Variants in EFCAB5 observed in about 807,000 individuals in gnomAD.
The protein encoded by EFCAB5 is EF-hand calcium binding domain 5, also known as EF-hand calcium-binding domain-containing protein 5.
A neutral mutation model predicts 167.9 loss-of-function variants in EFCAB5; 131 were observed. The ratio of observed to expected loss-of-function variants is 0.78; its 90% CI spans 0.68 to 0.90. EFCAB5 has a LOEUF of 0.90. EFCAB5 is among the 40% of genes least tolerant of loss of function. The probability of loss-of-function intolerance (pLI) is 0.00; values close to 1 mark genes in which losing one functional copy is unlikely to be tolerated. For synonymous variants in EFCAB5, 574 were observed against 602.8 expected (o/e 0.95, Z 0.70); for missense variants, 1,663 against 1,745.2 (o/e 0.95, Z 0.84).
chr17:30,013,078 G>A (rs1053894558), intron 7 of EFCAB5, among the ~76,000 whole-genome samples: 6 of 152,036 alleles, frequency 3.9e-5, no homozygotes, highest in East Asian at 1.9e-4. Context: ...TTTTGTCTTC[G>A]GTTCTGTTTA....
At chr17:29,999,164 C>G (rs1236365999) in intron 6 of EFCAB5, among the ~76,000 whole-genome samples, 1 of 152,046 alleles carries the variant, frequency 6.6e-6, no homozygotes, top group African/African-American at 2.4e-5. Context: ...ATGACTGCAG[C>G]TGATGACTCC....
In EFCAB5 at chr17:30,090,615, T is replaced by A; in HGVS notation, c.3878T>A (p.Val1293Glu). The change falls in exon 20 of 23, where the codon GTG (valine) becomes GAG (glutamate). Residue 1293 changes from valine to glutamate, a missense_variant. Val to Glu is a moderately radical substitution (Grantham distance 121, BLOSUM62 -2). Transcript: ENST00000394835. ...CAGAAAATGATGAAAGTGGTCCAAG[T>A]GGCCTGCTATGAAATACTTGGCGAG... ...DLQKMMKVVQVACYEILGEFS... is the reference protein window; with the variant it reads ...DLQKMMKVVQEACYEILGEFS... The A allele has an allele frequency of 6.2e-7, 1 of 1,613,950 alleles. No homozygotes were observed. Among genetic ancestry groups the A allele is most frequent in the Non-Finnish European group, 8.5e-7 (1 of 1,179,880 alleles).
At chr17:30,072,715 T>C (rs1262199973) in intron 14 of EFCAB5, among the ~76,000 whole-genome samples, 1 of 152,214 alleles carries the variant, frequency 6.6e-6, no homozygotes, top group Non-Finnish European at 1.5e-5. Context: ...GCTGTGTTCT[T>C]CTTATTGTAT....
upstream of EFCAB5, among the ~76,000 whole-genome samples, chr17:29,940,230 C>T (rs1271471736): frequency 3.3e-5 from 5 of 152,192 alleles, no homozygotes; most frequent in Admixed American, 6.5e-5. Context: ...CACCTGCCAA[C>T]ACACCCAGCT....
rs557197442 is a variant in EFCAB5, at chr17:30,021,504, T to G, written c.1045-12726T>G. Among the ~76,000 whole-genome samples, 68 of 148,456 alleles carry G rather than the reference T, an allele frequency of 4.6e-4. 1 individual carries two copies. The highest frequency in any genetic ancestry group is 9.4e-4 in the Non-Finnish European group (63 of 67,252). On this transcript the variant is annotated intron_variant, in intron 7 of 22. Coordinates refer to ENST00000394835, the MANE Select transcript of EFCAB5 (RefSeq NM_198529.4). ...ACAACACACAAATGAGAAAATGGAG[T>G]GATATACATTATTTATTTTATATAT...
intron 4 of EFCAB5, among the ~76,000 whole-genome samples, chr17:29,978,656 C>G (rs4075014): frequency 6.6e-6 from 1 of 151,970 alleles, no homozygotes; most frequent in Non-Finnish European, 1.5e-5. Context: ...GTCAACTTCT[C>G]TCCAGCTAGG....
chr17:30,043,561 A>T (rs2069834315), intron 8 of EFCAB5, among the ~76,000 whole-genome samples: 1 of 152,238 alleles, frequency 6.6e-6, no homozygotes, highest in Non-Finnish European at 1.5e-5. Context: ...CATGGAAGTC[A>T]ATTGTATTTC....
intron 14 of EFCAB5, among the ~76,000 whole-genome samples, chr17:30,061,466 A>G (rs746031196): frequency 4.6e-5 from 7 of 152,252 alleles, no homozygotes; most frequent in Non-Finnish European, 8.8e-5. Flanking sequence ...GGATTTAAAT[A>G]GCTTAAAATC....
At chr17:30,082,834 A>T (rs2071015635) in intron 17 of EFCAB5, 57 bp from the exon 18 acceptor site, 1 of 1,494,658 alleles carries the variant, frequency 6.7e-7, no homozygotes, top group African/African-American at 1.4e-5. Context: ...TTACTATATT[A>T]CTAATTATTT....
At chr17:30,021,206 G>A (rs1394478931) in intron 7 of EFCAB5, among the ~76,000 whole-genome samples, 2 of 151,020 alleles carry the variant, frequency 1.3e-5, no homozygotes, top group African/African-American at 4.9e-5. Flanking sequence ...GGAAAGTTAG[G>A]TTAGAACTCC....
chr17:29,930,104 A>G (rs1471361273), intron 1 of EFCAB5: 1 of 1,030,350 alleles, frequency 9.7e-7, no homozygotes, highest in Non-Finnish European at 1.4e-6. Flanking sequence ...GGTGGGGGTG[A>G]AGGGAACGGG....
chr17:30,019,342 A>G (rs1408755281), intron 7 of EFCAB5, among the ~76,000 whole-genome samples: 1 of 151,730 alleles, frequency 6.6e-6, no homozygotes, highest in Admixed American at 6.6e-5. Flanking sequence ...CAAAAGGCTT[A>G]TTTTATTTAT....
At chr17:30,035,188 T>C (rs929398669) in intron 8 of EFCAB5, among the ~76,000 whole-genome samples, 2 of 152,224 alleles carry the variant, frequency 1.3e-5, no homozygotes, top group African/African-American at 4.8e-5. Flanking sequence ...TTAATCCTTA[T>C]TGAATATTGC....
intron 4 of EFCAB5, among the ~76,000 whole-genome samples, chr17:29,979,713 G>A (rs1433426322): frequency 1.3e-5 from 2 of 152,090 alleles, no homozygotes; most frequent in Admixed American, 6.6e-5. Flanking sequence ...ACACCTGTAG[G>A]CTCATGTCAG....
chr17:30,013,333 G>A (rs577587366), intron 7 of EFCAB5, among the ~76,000 whole-genome samples: 3 of 152,240 alleles, frequency 2.0e-5, no homozygotes, highest in African/African-American at 4.8e-5. Flanking sequence ...AGTTAGGGAG[G>A]ATTCCCTCTT....
At chr17:29,968,453 T>A in intron 3 of EFCAB5, 1 of 373,986 alleles carries the variant, frequency 2.7e-6, no homozygotes, top group Non-Finnish European at 5.1e-6. Flanking sequence ...AGAAAAACCC[T>A]TTGTCCTCTA....
rs2070975211 is a variant in EFCAB5, at chr17:30,080,873, G to A, written c.3318G>A (p.Leu1106=). 2 of 1,613,810 alleles carry A rather than the reference G, an allele frequency of 1.2e-6. No homozygotes were observed. Among genetic ancestry groups the A allele is most frequent in the Non-Finnish European group, 1.7e-6 (2 of 1,179,834 alleles). ...KHDYNGSFLA[L]PLQDAYMRIF... ...ATTATAATGGTTCATTCCTGGCTCT[G>A]CCTCTTCAAGATGCATATATGAGGA... The change falls in exon 17 of 23, where the codon CTG becomes CTA. Residue 1106 remains leucine (L), a synonymous_variant. Transcript: ENST00000394835.
At chr17:29,983,419 A>G (rs2068218346) in intron 4 of EFCAB5, among the ~76,000 whole-genome samples, 1 of 152,244 alleles carries the variant, frequency 6.6e-6, no homozygotes, top group Non-Finnish European at 1.5e-5. Flanking sequence ...TGGCCAAAGC[A>G]TGTCACATGG....
intron 14 of EFCAB5, among the ~76,000 whole-genome samples, chr17:30,072,589 C>T (rs761481656): frequency 2.6e-5 from 4 of 152,196 alleles, no homozygotes; most frequent in African/African-American, 7.2e-5. Context: ...ATAACCTTGA[C>T]ACTTTTGAAG....
Sources: gnomAD v4.1 joint callset for allele counts (sites outside exome capture counted in the v4.1 genomes callset) on GRCh38, gnomAD v4.1.1 for gene constraint, MANE v1.5 for transcripts, NCBI Gene and HGNC (gene_info 2026-07-23, HGNC 2026-07-21) for gene names.